The following C8orf76 variants were observed in gnomAD, a reference collection of about 807,000 sequenced individuals.
C8orf76 encodes chromosome 8 open reading frame 76, also known as uncharacterized protein C8orf76.
C8orf76 carries 46 observed loss-of-function variants against 38.1 expected under a neutral mutation model. The observed-to-expected ratio is 1.21, with a 90% CI of 0.95 to 1.54. The LOEUF (loss-of-function observed/expected upper bound fraction) is 1.54. C8orf76 is among the 40% of genes most tolerant of loss of function. The pLI, the probability that C8orf76 is intolerant of heterozygous loss-of-function variation, is 0.00. For missense variants in C8orf76, 461 were observed against 441.6 expected, an observed-to-expected ratio of 1.04 and a Z score of -0.39; for synonymous variants, 166 against 167.5, an observed-to-expected ratio of 0.99 and a Z score of 0.07.
At chr8:123,230,056 A>G (rs1825194624) in intron 4 of C8orf76, among the ~76,000 whole-genome samples, 1 of 152,144 alleles carries the variant, frequency 6.6e-6, no homozygotes, top group South Asian at 2.1e-4. Flanking sequence ...TGCCAAATAG[A>G]TACCACTTCT....
chr8:123,226,163 GAAAA>G, intron 5 of C8orf76: 12 of 1,090,268 alleles, frequency 1.1e-5, no homozygotes, highest in Non-Finnish European at 1.3e-5. Flanking sequence ...ATGAATGGAG[GAAAA>G]AAAATAGAAC....
At chr8:123,230,558 T>G (rs558951836) in intron 4 of C8orf76, among the ~76,000 whole-genome samples, 1 of 152,314 alleles carries the variant, frequency 6.6e-6, no homozygotes, top group Non-Finnish European at 1.5e-5. Context: ...TGATCTCAGC[T>G]CACTGCAGCC....
chr8:123,230,999 T>C (rs942081993), intron 4 of C8orf76, among the ~76,000 whole-genome samples: 5 of 152,132 alleles, frequency 3.3e-5, no homozygotes, highest in Non-Finnish European at 5.9e-5. Flanking sequence ...GATTTCACCA[T>C]GTTGCTCAGG....
chr8:123,241,058 C>A (rs1206639559), intron 1 of C8orf76, among the ~76,000 whole-genome samples, 172 bp downstream of exon 1: 1 of 152,202 alleles, frequency 6.6e-6, no homozygotes, highest in East Asian at 1.9e-4. Context: ...CGGAATGGGG[C>A]CTGGGAAAGC....
intron 2 of C8orf76, 173 bp downstream of exon 2, chr8:123,238,876 T>C (rs921399191): frequency 6.7e-6 from 4 of 596,732 alleles, no homozygotes; most frequent in East Asian, 6.1e-5. Flanking sequence ...AAACAAATCA[T>C]ACAGAGCCAA....
chr8:123,226,820 T>C (rs938049312), intron 4 of C8orf76, among the ~76,000 whole-genome samples, 188 bp from the exon 5 acceptor site: 5 of 152,188 alleles, frequency 3.3e-5, no homozygotes, highest in Non-Finnish European at 7.3e-5. Context: ...TTGGAATCAA[T>C]TGCCCAACTT....
rs1385050070 is a variant in C8orf76, at chr8:123,237,864, T to A, written c.291A>T (p.Glu97Asp). The A allele has an allele frequency of 6.2e-7, 1 of 1,614,174 alleles. No individual in the cohort carries two copies. Among genetic ancestry groups the A allele is most frequent in the Non-Finnish European group, 8.5e-7 (1 of 1,180,024 alleles). The change falls in exon 3 of 6, where the codon GAA becomes GAT. Residue 97 changes from glutamate (E) to aspartate (D), a missense_variant. Physicochemically the swap from Glu to Asp is conservative, Grantham distance 45 (BLOSUM62 2). Transcript: ENST00000276704. ...TNFAMKRDVQ[E>D]GQARCLAHLG... ...GGTGAGCCAGACACCGAGCCTGACC[T>A]TCCTGGACATCCCTTTTCATGGCAA...
intron 1 of C8orf76, 117 bp downstream of exon 1, chr8:123,241,113 G>T: frequency 9.6e-7 from 1 of 1,041,200 alleles, no homozygotes; most frequent in Non-Finnish European, 1.3e-6. Context: ...CGCGGCGGGC[G>T]CTGGAGCCTG....
rs367713094 is a variant in C8orf76, at chr8:123,239,146, T to C, written c.118-2A>G. 3.1e-6 allele frequency: 5 copies of C among 1,613,930 alleles called. No homozygotes were observed. Among genetic ancestry groups the C allele is most frequent in the Admixed American group, 3.3e-5 (2 of 60,010 alleles). The stretch of plus-strand genomic sequence containing the variant: ...GCTTTCTGTTTCTTCATAAAACCAC[T>C]TGAAATCATGAAAATAGCCTATTAC... On this transcript the variant is annotated splice_acceptor_variant, in intron 1 of 5. Transcript: ENST00000276704. LOFTEE classifies it high-confidence loss of function.
intron 3 of C8orf76, chr8:123,236,738 C>T: frequency 7.1e-6 from 3 of 421,274 alleles, no homozygotes; most frequent in Non-Finnish European, 1.3e-5. Context: ...AAGCCGGGAT[C>T]ACTCCACTGC....
Position 123,220,144 on chromosome 8 carries a change from A to G in C8orf76, c.1102T>C (p.Phe368Leu). 6.2e-7 allele frequency: 1 copy of G among 1,611,808 alleles called. No individual in the cohort carries two copies. The highest frequency in any genetic ancestry group is 8.5e-7 in the Non-Finnish European group (1 of 1,179,422). ...FRKIKDHFCPFENQFHTEIQI... is the reference protein window; with the variant it reads ...FRKIKDHFCPLENQFHTEIQI... Reference sequence around the variant, plus strand: ...ATCTCTGTATGGAACTGATTTTCAAATGGACAGAAATGGTCTTTGATCTTT... The same window carrying G: ...ATCTCTGTATGGAACTGATTTTCAAGTGGACAGAAATGGTCTTTGATCTTT... The change falls in exon 6 of 6, where the codon TTT becomes CTT. Residue 368 changes from phenylalanine to leucine, a missense_variant. Coordinates refer to ENST00000276704, the MANE Select transcript of C8orf76 (RefSeq NM_032847.3).
rs1825583916 is a variant in C8orf76, at chr8:123,238,770, G to A, written c.213+279C>T. ...GTGGCACTGTGAAATGTCTGTGCTA[G>A]AGGGTCCTAAGTAATGAGGAGATTC... On this transcript the variant is annotated intron_variant, in intron 2 of 5. Transcript: ENST00000276704. The A allele has an allele frequency of 9.7e-6, 3 of 308,410 alleles. No homozygotes were observed. The Admixed American group carries it at 1.3e-4, about 13-fold the overall frequency. 19.1% of individuals were successfully genotyped at this position (308,410 alleles called of 1,614,324 possible).
At chr8:123,240,363 T>C (rs756999146) in intron 1 of C8orf76, among the ~76,000 whole-genome samples, 5 of 152,152 alleles carry the variant, frequency 3.3e-5, no homozygotes, top group Non-Finnish European at 5.9e-5. Context: ...AAAAACACAA[T>C]TCAGTAATTA....
chr8:123,240,054 A>T (rs188610346), intron 1 of C8orf76: 4 of 152,484 alleles, frequency 2.6e-5, no homozygotes, highest in Admixed American at 2.0e-4. Context: ...ATGCACCTGT[A>T]CAGCACATCA....
rs375819680 is a variant in C8orf76, at chr8:123,231,301, T to C, written c.814A>G (p.Arg272Gly). 3.7e-6 allele frequency: 6 copies of C among 1,603,198 alleles called. No individual in the cohort carries two copies. Among genetic ancestry groups the C allele is most frequent in the Middle Eastern group, 1.7e-4 (1 of 6,026 alleles). Residue 272 changes from arginine (R) to glycine (G), a missense_variant and splice_region_variant, in exon 4 of 6, where the codon AGG becomes GGG. Coordinates refer to ENST00000276704, the MANE Select transcript of C8orf76 (RefSeq NM_032847.3). ...TTGCTTAAGTGACTCTCAGCTTACC[T>C]GGTTCGTATAAAAGAGGCACATGCT... ...LKACASFIRTRLLLQFTQPQQ... is the reference protein window; with the variant it reads ...LKACASFIRTGLLLQFTQPQQ...
intron 3 of C8orf76, among the ~76,000 whole-genome samples, chr8:123,234,557 T>C (rs112761184): frequency 1.3e-5 from 2 of 152,114 alleles, no homozygotes; most frequent in Non-Finnish European, 2.9e-5. Flanking sequence ...CTGCCTGAGC[T>C]CAGGAGTTCG....
intron 5 of C8orf76, among the ~76,000 whole-genome samples, chr8:123,222,248 T>C (rs764312139): frequency 1.3e-5 from 2 of 152,026 alleles, no homozygotes; most frequent in Non-Finnish European, 2.9e-5. Context: ...CCTCCCAAAG[T>C]GCTGGGATTA....
Position 123,231,604 on chromosome 8 carries a change from C to A in C8orf76, c.511G>T (p.Ala171Ser). The A allele has an allele frequency of 6.2e-7, 1 of 1,614,214 alleles. No individual in the cohort carries two copies. The highest frequency in any genetic ancestry group is 8.5e-7 in the Non-Finnish European group (1 of 1,180,036). ...PFNPWNWGKL[A>S]EAYLNLGPAL... ...GGCCCCAGATTCAGGTAAGCCTCTG[C>A]CAATTTGCCCCAGTTCCAAGGATTA... is the stretch of plus-strand genomic sequence containing the variant. Residue 171 changes from alanine (A) to serine (S), a missense_variant, in exon 4 of 6, where the codon GCA (alanine) becomes TCA (serine). Physicochemically the swap from Ala to Ser is moderately conservative, Grantham distance 99. Coordinates refer to ENST00000276704, the MANE Select transcript of C8orf76 (RefSeq NM_032847.3).
intron 3 of C8orf76, chr8:123,236,892 C>A: frequency 1.0e-6 from 1 of 979,660 alleles, no homozygotes; most frequent in Non-Finnish European, 1.7e-6. Context: ...AAGACCATCA[C>A]CCTTGAGATC....
Sources: gnomAD v4.1 joint callset for allele counts (sites outside exome capture counted in the v4.1 genomes callset) on GRCh38, gnomAD v4.1.1 for gene constraint, MANE v1.5 for transcripts, NCBI Gene and HGNC (gene_info 2026-07-23, HGNC 2026-07-21) for gene names.